KHDRBS2: variants seen among roughly 807,000 people sequenced by gnomAD.
KHDRBS2 encodes the protein KH domain-containing, RNA-binding, signal transduction-associated protein 2.
KHDRBS2 carries 26 observed loss-of-function variants against 44.3 expected under a neutral mutation model. That is an observed-to-expected ratio of 0.59 (90% CI 0.43 to 0.81). KHDRBS2 has a LOEUF of 0.81. Ranked by LOEUF, KHDRBS2 falls within the 40% of genes least tolerant of loss-of-function variation. The pLI, the probability that KHDRBS2 is intolerant of heterozygous loss-of-function variation, is 0.00. For missense variants in KHDRBS2, 476 were observed against 433.1 expected (o/e 1.10, Z -0.88); for synonymous variants, 194 against 151.1 (o/e 1.28, Z -2.08).
At chr6:62,112,730 T>C (rs1272417325) in intron 2 of KHDRBS2, among the ~76,000 whole-genome samples, 1 of 152,182 alleles carries the variant, frequency 6.6e-6, no homozygotes, top group African/African-American at 2.4e-5. Context: ...TACCACTTTG[T>C]GGTGACAAAC....
Position 62,177,186 on chromosome 6 carries a change from T to C in KHDRBS2, c.218A>G (p.Lys73Arg), listed in dbSNP as rs764306609. The change falls in exon 2 of 9, where the codon AAG becomes AGG. Residue 73 changes from lysine (K) to arginine (R), a missense_variant and splice_region_variant. Coordinates refer to ENST00000281156, the MANE Select transcript of KHDRBS2 (RefSeq NM_152688.4). The stretch of plus-strand genomic sequence containing the variant: ...AGAACAAAGTATATATGGTAGTACC[T>C]TTGGATACTGCTTGACAGGAATCAG... ...RVLIPVKQYP[K>R]FNFVGKLLGP... 6.4e-7 allele frequency: 1 copy of C among 1,560,650 alleles called. No individual in the cohort carries two copies. The highest frequency in any genetic ancestry group is 8.8e-7 in the Non-Finnish European group (1 of 1,136,490).
chr6:61,928,113 A>T lies in KHDRBS2; in HGVS notation c.484-26742T>A, dbSNP rs1385991142. Among the ~76,000 whole-genome samples the T allele has an allele frequency of 2.6e-5, 4 of 152,088 alleles. No individual in the cohort carries two copies. In the East Asian group the frequency reaches 7.8e-4, roughly 29 times the overall value. ...CAAATCATGTTCTTGTGTTTACCTT[A>T]TTATATAAAATGCTGAGAATTTTCA... On this transcript the variant is annotated intron_variant, in intron 4 of 8. Coordinates refer to ENST00000281156, the MANE Select transcript of KHDRBS2 (RefSeq NM_152688.4).
intron 1 of KHDRBS2, among the ~76,000 whole-genome samples, chr6:62,227,420 T>G (rs1458570304): frequency 2.0e-5 from 3 of 152,206 alleles, no homozygotes; most frequent in Admixed American, 6.6e-5. Flanking sequence ...AAGGAGTTTT[T>G]GGGCTGAGAC....
chr6:61,819,309 TAAA>T (rs940875686), intron 6 of KHDRBS2, among the ~76,000 whole-genome samples: 3 of 152,014 alleles, frequency 2.0e-5, no homozygotes, highest in Non-Finnish European at 4.4e-5. Flanking sequence ...ATAATTTAAA[TAAA>T]AACATTTCAA....
At chr6:61,932,401 A>AT (rs932167426) in intron 4 of KHDRBS2, among the ~76,000 whole-genome samples, 6 of 152,122 alleles carry the variant, frequency 3.9e-5, no homozygotes, top group South Asian at 2.1e-4. Flanking sequence ...GTAATTATGT[A>AT]TTTTTTGACC....
At chr6:61,564,311 T>G in the KHDRBS2 span, among the ~76,000 whole-genome samples, 3 of 152,098 alleles carry the variant, frequency 2.0e-5, no homozygotes, top group Non-Finnish European at 4.4e-5. Context: ...TCAGAAACCT[T>G]AATATTCAAA....
At chr6:61,542,718 C>T in the KHDRBS2 span, among the ~76,000 whole-genome samples, 1 of 151,814 alleles carries the variant, frequency 6.6e-6, no homozygotes, top group Admixed American at 6.6e-5. Flanking sequence ...ATTTACAAGG[C>T]ATCTTTATTG....
the KHDRBS2 span, among the ~76,000 whole-genome samples, chr6:61,543,525 A>T: frequency 1.3e-5 from 2 of 152,036 alleles, no homozygotes; most frequent in African/African-American, 4.8e-5. Context: ...ACCACTATGG[A>T]GTACAGTTTG....
chr6:62,177,923 T>C (rs1377527916), intron 1 of KHDRBS2, among the ~76,000 whole-genome samples: 1 of 151,372 alleles, frequency 6.6e-6, no homozygotes, highest in East Asian at 1.9e-4. Context: ...TATTACCAAA[T>C]TCGATATTTT....
chr6:61,806,023 C>T (rs1787101242), intron 6 of KHDRBS2, among the ~76,000 whole-genome samples: 1 of 152,136 alleles, frequency 6.6e-6, no homozygotes, highest in African/African-American at 2.4e-5. Flanking sequence ...GCTTCAGAGT[C>T]TATGGTCTAT....
intron 6 of KHDRBS2, among the ~76,000 whole-genome samples, chr6:61,739,449 C>G (rs1019499243): frequency 1.3e-5 from 2 of 151,788 alleles, no homozygotes; most frequent in South Asian, 4.2e-4. Flanking sequence ...AATATTTCCT[C>G]AATTTCGTGT....
chr6:62,205,546 C>T (rs926205613), intron 1 of KHDRBS2, among the ~76,000 whole-genome samples: 22 of 152,166 alleles, frequency 1.4e-4, no homozygotes, highest in Admixed American at 7.9e-4. Context: ...AAACCTACTA[C>T]GGGTCTCCTT....
intron 3 of KHDRBS2, among the ~76,000 whole-genome samples, chr6:62,000,895 T>C (rs768522172): frequency 2.0e-5 from 3 of 152,216 alleles, no homozygotes; most frequent in Non-Finnish European, 4.4e-5. Context: ...TATGAAAAAT[T>C]AGTACTATTA....
intron 1 of KHDRBS2, among the ~76,000 whole-genome samples, chr6:62,198,960 C>T (rs1272733395): frequency 2.6e-5 from 4 of 152,122 alleles, no homozygotes; most frequent in Non-Finnish European, 2.9e-5. Flanking sequence ...AGTAATCCAG[C>T]ATATAAACAG....
At chr6:61,980,324 C>T (rs190386386) in intron 3 of KHDRBS2, among the ~76,000 whole-genome samples, 2 of 152,120 alleles carry the variant, frequency 1.3e-5, no homozygotes, top group South Asian at 2.1e-4. Context: ...ACACATATTC[C>T]TCCTTTGTTC....
Position 62,177,260 on chromosome 6 carries a change from C to A in KHDRBS2, c.144G>T (p.Lys48Asn). ...SDGKKEDEEK[K>N]YLDVISNKNI... ...TTTTGTTGCTGATGACATCAAGATA[C>A]TTCTTTTCTTCGTCTTCCTTTTTTC... The change falls in exon 2 of 9, where the codon AAG becomes AAT. Residue 48 changes from lysine to asparagine, a missense_variant. By Grantham distance (94) the Lys-to-Asn change is moderately conservative. Coordinates refer to ENST00000281156, the MANE Select transcript of KHDRBS2 (RefSeq NM_152688.4). The A allele has an allele frequency of 1.2e-6, 2 of 1,600,698 alleles. No individual in the cohort carries two copies.
chr6:61,672,812 TG>T, the KHDRBS2 span, among the ~76,000 whole-genome samples: 1 of 149,784 alleles, frequency 6.7e-6, no homozygotes, highest in Non-Finnish European at 1.5e-5. Context: ...TTCACTCTGA[TG>T]GTAGTTTCTT....
At chr6:62,039,526 T>C (rs1303665985) in intron 3 of KHDRBS2, among the ~76,000 whole-genome samples, 1 of 152,020 alleles carries the variant, frequency 6.6e-6, no homozygotes, top group Non-Finnish European at 1.5e-5. Context: ...TTCTCTAATA[T>C]AACAATCTGG....
chr6:62,177,413 T>C lies in KHDRBS2; in HGVS notation c.92-101A>G. On this transcript the variant is annotated intron_variant, in intron 1 of 8. Coordinates refer to ENST00000281156, the MANE Select transcript of KHDRBS2 (RefSeq NM_152688.4). ...ATAAATAATATTCATATTACTCCTC[T>C]TCTCAAATAAGATTTTGATGAATAT... The C allele has an allele frequency of 5.6e-6, 5 of 892,896 alleles. No homozygotes were observed. In the South Asian group the frequency reaches 9.7e-5, roughly 17 times the overall value. 55.3% of individuals were successfully genotyped at this position (892,896 alleles called of 1,614,324 possible). A position where few individuals can be genotyped will look rare whatever the true frequency, so the allele number is the denominator to read the frequency against.
Sources: allele counts gnomAD v4.1 joint callset (sites outside exome capture counted in the v4.1 genomes callset), GRCh38; gene constraint gnomAD v4.1.1; transcripts MANE v1.5; gene names NCBI Gene and HGNC (gene_info 2026-07-23, HGNC 2026-07-21).